The following INSL6 variants were observed in gnomAD, a reference collection of about 807,000 sequenced individuals.
INSL6 encodes the protein insulin-like peptide INSL6.
Under a neutral mutation model 9.4 loss-of-function variants are expected in INSL6, and 16 were observed. That is an observed-to-expected ratio of 1.70 (90% CI 1.15 to 2.59). INSL6 has a LOEUF of 2.59. INSL6 is among the 30% of genes most tolerant of loss of function. The probability of loss-of-function intolerance (pLI) is 0.00; values close to 1 mark genes in which losing one functional copy is unlikely to be tolerated. For missense variants in INSL6, 391 were observed against 257.3 expected, an observed-to-expected ratio of 1.52 and a Z score of -3.56; for synonymous variants, 154 against 96.9, an observed-to-expected ratio of 1.59 and a Z score of -3.46.
At chr9:5,142,502 A>G (rs1409740138) in intron 2 of INSL6, among the ~76,000 whole-genome samples, 1 of 152,042 alleles carries the variant, frequency 6.6e-6, no homozygotes, top group Non-Finnish European at 1.5e-5. Context: ...TCTCAACTTG[A>G]GGTGTTGTTA....
the INSL6 span, chr9:5,055,751 G>T: frequency 3.1e-6 from 5 of 1,610,602 alleles, no homozygotes; most frequent in South Asian, 1.1e-5. Flanking sequence ...AATGAAAGCC[G>T]AGTTGTAACT....
At chr9:5,169,831 A>G (rs989665195) in intron 1 of INSL6, among the ~76,000 whole-genome samples, 1 of 152,230 alleles carries the variant, frequency 6.6e-6, no homozygotes, top group Non-Finnish European at 1.5e-5. Context: ...CTAAATATAT[A>G]TGCACCCAAT....
At chr9:5,131,070 G>C (rs1014226354) in intron 3 of INSL6, among the ~76,000 whole-genome samples, 9 of 152,136 alleles carry the variant, frequency 5.9e-5, no homozygotes, top group Non-Finnish European at 1.0e-4. Flanking sequence ...AAGATTGTGA[G>C]TTGGAATTTA....
At chr9:5,100,812 T>C in the INSL6 span, 2 of 152,398 alleles carry the variant, frequency 1.3e-5, no homozygotes, top group Non-Finnish European at 2.9e-5. Flanking sequence ...ATGGGATCTA[T>C]GGCTCAACAT....
the INSL6 span, chr9:5,080,392 T>A: frequency 6.3e-7 from 1 of 1,595,234 alleles, no homozygotes; most frequent in East Asian, 2.2e-5. Context: ...TAAGTTTATA[T>A]AGACTAAGTT....
At chr9:5,064,544 A>G in the INSL6 span, among the ~76,000 whole-genome samples, 2 of 152,112 alleles carry the variant, frequency 1.3e-5, no homozygotes, top group Non-Finnish European at 1.5e-5. Context: ...AAAAAAAGAA[A>G]AAAGGAAATG....
At chr9:5,103,273 G>A in the INSL6 span, among the ~76,000 whole-genome samples, 15 of 123,038 alleles carry the variant, frequency 1.2e-4, no homozygotes, top group East Asian at 8.8e-4. Flanking sequence ...TTGCAATCCC[G>A]GTCTCTGAAA....
chr9:5,136,359 C>G (rs536194993), intron 2 of INSL6, among the ~76,000 whole-genome samples: 1 of 152,244 alleles, frequency 6.6e-6, no homozygotes, highest in African/African-American at 2.4e-5. Context: ...AACACTGATG[C>G]GAAAATCCTC....
the INSL6 span, among the ~76,000 whole-genome samples, chr9:5,010,124 T>C: frequency 6.6e-6 from 1 of 152,230 alleles, no homozygotes; most frequent in South Asian, 2.1e-4. Flanking sequence ...TCTAGTCCTA[T>C]CTACTTTTGA....
At chr9:5,101,197 C>T in the INSL6 span, among the ~76,000 whole-genome samples, 1 of 152,238 alleles carries the variant, frequency 6.6e-6, no homozygotes, top group Non-Finnish European at 1.5e-5. Context: ...GCTTTTCCAA[C>T]AGTCTTACCA....
chr9:5,008,075 G>C, the INSL6 span, among the ~76,000 whole-genome samples: 1 of 152,148 alleles, frequency 6.6e-6, no homozygotes, highest in Non-Finnish European at 1.5e-5. Context: ...AATAACATGA[G>C]TGGGTAATGG....
intron 1 of INSL6, among the ~76,000 whole-genome samples, chr9:5,169,470 T>A (rs1825131895): frequency 6.6e-6 from 1 of 152,080 alleles, no homozygotes; most frequent in Non-Finnish European, 1.5e-5. Context: ...CATAAACAAG[T>A]CTGCAAAATA....
In INSL6 at chr9:5,185,415, CGTGA is replaced by C; in HGVS notation, c.184_187del (p.Ser62GlyfsTer2). ...CTTCTCCGAGGCCTGTGCAATCAAC[CGTGA>C]GAAAGGGGTTTCCTCCTCGAAACGG... On this transcript the variant is annotated frameshift_variant, in exon 1 of 2. Transcript: ENST00000381641. LOFTEE classifies it high-confidence loss of function. 2 of 1,614,156 alleles carry C rather than the reference CGTGA, an allele frequency of 1.2e-6. No individual in the cohort carries two copies. Among genetic ancestry groups the C allele is most frequent in the African/African-American group, 2.7e-5 (2 of 75,052 alleles).
the INSL6 span, among the ~76,000 whole-genome samples, chr9:5,115,844 G>A: frequency 6.6e-6 from 1 of 152,118 alleles, no homozygotes; most frequent in Admixed American, 6.5e-5. Context: ...GCTGATAAGT[G>A]GGAGTTGAAC....
At chr9:5,005,723 T>A in the INSL6 span, among the ~76,000 whole-genome samples, 1 of 152,250 alleles carries the variant, frequency 6.6e-6, no homozygotes. Flanking sequence ...AGAGAGTTTG[T>A]ATAAGCTCAA....
chr9:5,132,955 A>T (rs1280485958), intron 3 of INSL6: 5 of 152,208 alleles, frequency 3.3e-5, no homozygotes, highest in Non-Finnish European at 7.3e-5. Flanking sequence ...GTGTGGCCTC[A>T]AATAATCTCA....
At chr9:5,055,527 A>T in the INSL6 span, 1 of 586,942 alleles carries the variant, frequency 1.7e-6, no homozygotes, top group Non-Finnish European at 2.8e-6. Flanking sequence ...TGATAGAGTA[A>T]ATCACGTTTA....
chr9:5,122,953 G>C (rs766318605), downstream of INSL6: 2 of 1,093,506 alleles, frequency 1.8e-6, no homozygotes, highest in South Asian at 3.0e-5. Flanking sequence ...GTAAAATCAA[G>C]AGTCCACATA....
chr9:5,112,076 TA>T, the INSL6 span: 1 of 386,594 alleles, frequency 2.6e-6, no homozygotes, highest in Non-Finnish European at 5.2e-6. Context: ...GCCTGGAGAG[TA>T]AGATAGAAGA....
Sources: gnomAD v4.1 joint callset for allele counts (sites outside exome capture counted in the v4.1 genomes callset) on GRCh38, gnomAD v4.1.1 for gene constraint, MANE v1.5 for transcripts, NCBI Gene and HGNC (gene_info 2026-07-23, HGNC 2026-07-21) for gene names.